Variants in MBNL1 observed in about 807,000 individuals in gnomAD.
MBNL1 encodes the protein muscleblind-like protein 1.
A neutral mutation model predicts 42.2 loss-of-function variants in MBNL1; 8 were observed. The ratio of observed to expected loss-of-function variants is 0.19; its 90% CI spans 0.11 to 0.34. The LOEUF is 0.34. Among genes scored for constraint, MBNL1 ranks in the 10% least tolerant of loss-of-function variants. MBNL1 has a pLI of 1.00. For synonymous variants in MBNL1, 169 were observed against 173.9 expected, an observed-to-expected ratio of 0.97 and a Z score of 0.22; for missense variants, 309 against 495.3, an observed-to-expected ratio of 0.62 and a Z score of 3.57.
chr3:152,414,944 C>T lies in MBNL1; in HGVS notation c.178C>T (p.Arg60Cys), dbSNP rs1346640808. The change falls in exon 3 of 10, where the codon CGT becomes TGT. Residue 60 changes from arginine (R) to cysteine (C), a missense_variant. Coordinates refer to ENST00000324210, the MANE Select transcript of MBNL1 (RefSeq NM_021038.5). The stretch of plus-strand genomic sequence containing the variant: ...TTTGCTGCTTTTGTTTCTCTAGGGC[C>T]GTTGCTCCAGGGAGAACTGCAAATA... ...VIACFDSLKGRCSRENCKYLH... is the reference protein window; with the variant it reads ...VIACFDSLKGCCSRENCKYLH... The T allele has an allele frequency of 1.9e-6, 3 of 1,609,048 alleles. No homozygotes were observed. The highest frequency in any genetic ancestry group is 2.5e-6 in the Non-Finnish European group (3 of 1,178,430).
intron 1 of MBNL1, among the ~76,000 whole-genome samples, chr3:152,284,148 A>G (rs1009092850): frequency 2.0e-5 from 3 of 152,148 alleles, no homozygotes; most frequent in Non-Finnish European, 4.4e-5. Flanking sequence ...TATATTGTTA[A>G]TGAATATATT....
intron 2 of MBNL1, among the ~76,000 whole-genome samples, chr3:152,254,672 T>C (rs1472797975): frequency 1.3e-5 from 2 of 152,146 alleles, no homozygotes; most frequent in Non-Finnish European, 2.9e-5. Context: ...TGTATTAACA[T>C]ATAACTAAGT....
At chr3:152,258,447 C>CT (rs369982924) in intron 2 of MBNL1, among the ~76,000 whole-genome samples, 26 of 152,310 alleles carry the variant, frequency 1.7e-4, no homozygotes, top group African/African-American at 5.8e-4. Flanking sequence ...TACACTTAAT[C>CT]TTTTCCTGCC....
chr3:152,433,876 G>T (rs76005739), intron 4 of MBNL1, among the ~76,000 whole-genome samples: 10,822 of 152,206 alleles, frequency 0.071, 506 homozygotes, highest in Middle Eastern at 0.16. Context: ...TTTCAAAGTG[G>T]TTGTTCAGAA....
At chr3:152,298,915 G>T (rs768119243) in intron 1 of MBNL1, 1 of 152,168 alleles carries the variant, frequency 6.6e-6, no homozygotes, top group Non-Finnish European at 1.5e-5. Context: ...TTATTCCCTG[G>T]TAATGATCTT....
chr3:152,451,046 A>G (rs1019100721), intron 6 of MBNL1, among the ~76,000 whole-genome samples: 1 of 152,214 alleles, frequency 6.6e-6, no homozygotes, highest in East Asian at 1.9e-4. Flanking sequence ...ACAATTTAAT[A>G]ATTTGGAAGG....
intron 2 of MBNL1, among the ~76,000 whole-genome samples, chr3:152,331,613 T>C (rs2084585316): frequency 6.6e-6 from 1 of 152,160 alleles, no homozygotes; most frequent in African/African-American, 2.4e-5. Context: ...AGGAATTAAA[T>C]AAAAGGAAGC....
At chr3:152,456,827 G>T (rs1374723329) in intron 8 of MBNL1, among the ~76,000 whole-genome samples, 1 of 152,112 alleles carries the variant, frequency 6.6e-6, no homozygotes, top group African/African-American at 2.4e-5. Context: ...AAATAAGTTT[G>T]TTATAAATTC....
intron 1 of MBNL1, among the ~76,000 whole-genome samples, chr3:152,294,162 G>C (rs778193688): frequency 1.4e-4 from 21 of 151,506 alleles, no homozygotes; most frequent in Middle Eastern, 3.4e-3. Context: ...TCTTGTGGCA[G>C]AATATTAGTG....
intron 2 of MBNL1, among the ~76,000 whole-genome samples, chr3:152,250,950 C>T (rs553314187): frequency 1.3e-5 from 2 of 151,984 alleles, no homozygotes; most frequent in Non-Finnish European, 2.9e-5. Flanking sequence ...ATAAAATACT[C>T]GCAAACTGAA....
chr3:152,459,655 T>C (rs1306478347), intron 9 of MBNL1, among the ~76,000 whole-genome samples: 3 of 111,284 alleles, frequency 2.7e-5, no homozygotes, highest in Middle Eastern at 4.8e-3. Flanking sequence ...AACTTTCTTA[T>C]AGGGTCAGAC....
intron 6 of MBNL1, among the ~76,000 whole-genome samples, chr3:152,450,698 T>C (rs986414563): frequency 2.0e-5 from 3 of 152,230 alleles, no homozygotes; most frequent in African/African-American, 7.2e-5. Flanking sequence ...CCACAATTGA[T>C]TGTGTATATG....
chr3:152,308,233 A>G (rs760772941), intron 2 of MBNL1, among the ~76,000 whole-genome samples: 8 of 152,232 alleles, frequency 5.3e-5, no homozygotes, highest in Non-Finnish European at 1.0e-4. Context: ...GAGGCTCCAT[A>G]GAAGTGTTAT....
chr3:152,433,949 A>T (rs976499077), intron 4 of MBNL1, among the ~76,000 whole-genome samples: 1 of 152,242 alleles, frequency 6.6e-6, no homozygotes, highest in Non-Finnish European at 1.5e-5. Flanking sequence ...AAGTGACAGC[A>T]TCAAATGTAC....
intron 2 of MBNL1, among the ~76,000 whole-genome samples, chr3:152,370,041 C>G (rs1036896614): frequency 1.3e-5 from 2 of 152,054 alleles, no homozygotes; most frequent in African/African-American, 4.8e-5. Context: ...TATTTCTTGT[C>G]TTCTGCTAGC....
intron 1 of MBNL1, 150 bp from the exon 2 acceptor site, chr3:152,299,255 G>A (rs1490337706): frequency 6.4e-6 from 1 of 155,142 alleles, no homozygotes; most frequent in Non-Finnish European, 1.4e-5. Flanking sequence ...ATGCCTCACT[G>A]TAAGTATTTT....
intron 1 of MBNL1, among the ~76,000 whole-genome samples, chr3:152,275,999 A>T (rs534152225): frequency 2.0e-5 from 3 of 152,284 alleles, no homozygotes; most frequent in East Asian, 1.9e-4. Context: ...TGAAAATAGT[A>T]GAAGTTGCCA....
intron 2 of MBNL1, among the ~76,000 whole-genome samples, chr3:152,380,003 A>C (rs997208815): frequency 3.9e-5 from 6 of 152,132 alleles, no homozygotes; most frequent in African/African-American, 1.4e-4. Context: ...CAGATAAATT[A>C]ATATTAATTC....
intron 2 of MBNL1, among the ~76,000 whole-genome samples, chr3:152,349,758 C>CTG (rs149879214): frequency 0.017 from 2,516 of 150,930 alleles, 56 homozygotes; most frequent in African/African-American, 0.056. Context: ...AGTAAATTGT[C>CTG]TGTGTGTGTG....
Sources: allele counts gnomAD v4.1 joint callset (sites outside exome capture counted in the v4.1 genomes callset), GRCh38; gene constraint gnomAD v4.1.1; transcripts MANE v1.5; gene names NCBI Gene and HGNC (gene_info 2026-07-23, HGNC 2026-07-21).